Variants in NBPF26 observed in about 807,000 individuals in gnomAD.
The protein encoded by NBPF26 is NBPF family member NBPF26.
In NBPF26, 79 loss-of-function variants were observed where a neutral mutation model predicts 119.6. The ratio of observed to expected loss-of-function variants is 0.66; its 90% CI spans 0.55 to 0.80. The LOEUF (loss-of-function observed/expected upper bound fraction) is 0.80, where lower values mean the gene tolerates loss of function less well. Ranked by LOEUF, NBPF26 falls within the 30% of genes least tolerant of loss-of-function variation. NBPF26 has a pLI of 0.00. For missense variants in NBPF26, 800 were observed against 1,198.2 expected (o/e 0.67, Z 4.91); for synonymous variants, 299 against 457.7 (o/e 0.65, Z 4.43).
intron 17 of NBPF26, 57 bp from the exon 18 acceptor site, chr1:120,823,917 G>C: frequency 2.0e-6 from 1 of 501,908 alleles, no homozygotes; most frequent in South Asian, 1.8e-5. Context: ...ATCTAGCTGG[G>C]GCTGTGTGGT....
At chr1:120,805,286 A>T (rs1176292552) in intron 4 of NBPF26, 1 of 1,047,144 alleles carries the variant, frequency 9.5e-7, no homozygotes, top group South Asian at 1.5e-5. Flanking sequence ...TAATTCTGTT[A>T]TTGCAACTGC....
At chr1:120,743,920 AAGGAGAAGCAGAG>A in intron 1 of NBPF26, among the ~76,000 whole-genome samples, 1 of 103,730 alleles carries the variant, frequency 9.6e-6, no homozygotes, top group Non-Finnish European at 1.9e-5. Flanking sequence ...TTGGTGCACT[AAGGAGAAGCAGAG>A]AGGAGAAGCA....
At position 120,784,552 on chromosome 1, in the gene NBPF26, A is replaced by G. The variant is rs1651400619; in HGVS notation, c.156-422A>G. ...CTCACCTTATTTAGGTCTCAACTCA[A>G]GTATTGTCAGTGAAGGTCTTCTCTG... On this transcript the variant is annotated intron_variant, in intron 2 of 29. Transcript: ENST00000620612. 1.7e-5 allele frequency among the ~76,000 whole-genome samples: 2 copies of G among 117,222 alleles called. 1 individual carries two copies. Among genetic ancestry groups the G allele is most frequent in the East Asian group, 4.2e-4 (2 of 4,754 alleles). 76.9% of individuals were successfully genotyped at this position (117,222 alleles called of 152,430 possible). A position where few individuals can be genotyped will look rare whatever the true frequency, so the allele number is the denominator to read the frequency against.
chr1:120,785,327 C>T, intron 3 of NBPF26, 94 bp downstream of exon 3: 1 of 842,224 alleles, frequency 1.2e-6, no homozygotes, highest in Non-Finnish European at 1.8e-6. Context: ...CTTAAATGTC[C>T]CCCAGCTCTG....
intron 3 of NBPF26, among the ~76,000 whole-genome samples, chr1:120,790,283 G>A (rs1317533662): frequency 9.1e-6 from 1 of 109,912 alleles, no homozygotes; most frequent in Non-Finnish European, 1.7e-5. Context: ...CAAAGTGCTG[G>A]GATTACAGGT....
At chr1:120,767,622 C>T (rs1651208308) in intron 2 of NBPF26, among the ~76,000 whole-genome samples, 1 of 87,840 alleles carries the variant, frequency 1.1e-5, no homozygotes, top group Admixed American at 1.2e-4. Flanking sequence ...ACTGTCAAAT[C>T]TTAATAAAGC....
In NBPF26 at chr1:120,726,855, T is replaced by C; in HGVS notation, c.73+2605T>C. Among the ~76,000 whole-genome samples the C allele has an allele frequency of 1.8e-5, 2 of 113,616 alleles. 1 individual carries two copies. The highest frequency in any genetic ancestry group is 3.4e-5 in the Non-Finnish European group (2 of 59,656). 74.5% of individuals were successfully genotyped at this position (113,616 alleles called of 152,430 possible). The stretch of plus-strand genomic sequence containing the variant: ...TATTTACCCATAACTTCTTGGGATC[T>C]CTCTGCTCCATTCCCACCCTACTGC... On this transcript the variant is annotated intron_variant, in intron 1 of 29. Transcript: ENST00000620612.
intron 1 of NBPF26, among the ~76,000 whole-genome samples, chr1:120,737,782 A>G (rs1200990193): frequency 8.1e-6 from 1 of 122,888 alleles, no homozygotes; most frequent in East Asian, 2.0e-4. Context: ...TTCTCAGAAA[A>G]GGGCTTTATA....
chr1:120,724,034 A>G lies in NBPF26; in HGVS notation c.-144A>G. 14 of 1,245,196 alleles carry G rather than the reference A, an allele frequency of 1.1e-5. 5 individuals are homozygous for G. The highest frequency in any genetic ancestry group is 1.4e-5 in the Non-Finnish European group (14 of 989,302). The allele number at this position is 1,245,196 out of a possible 1,614,324, so 77.1% of individuals were successfully genotyped here. The stretch of plus-strand genomic sequence containing the variant: ...CGAGGCATTTGCACCTGGGCTTCGG[A>G]GCGTAGCGCCAGGGCCTGAGCCTTT... On this transcript the variant is annotated 5_prime_UTR_variant, in exon 1 of 30. Transcript: ENST00000620612.
At chr1:120,842,226 C>G (rs9441383), downstream of NBPF26, among the ~76,000 whole-genome samples, 238 of 113,990 alleles carry the variant, frequency 2.1e-3, 33 homozygotes, top group Non-Finnish European at 1.0e-3. Context: ...TGTTTATTTT[C>G]TAATCTCTTC....
At chr1:120,832,406 A>G (rs1208862409) in intron 22 of NBPF26, among the ~76,000 whole-genome samples, 7 of 102,426 alleles carry the variant, frequency 6.8e-5, no homozygotes, top group African/African-American at 4.3e-4. Flanking sequence ...TTCTCATGAC[A>G]TTGGACCTGG....
At position 120,840,418 on chromosome 1, in the gene NBPF26, C is replaced by T. The variant is rs1553273457; in HGVS notation, c.4172C>T (p.Ser1391Leu). The change falls in exon 30 of 30, where the codon TCG (serine) becomes TTG (leucine). Residue 1391 changes from serine to leucine, a missense_variant. Ser to Leu is a moderately radical substitution (Grantham distance 145). Around this residue, in one of 13 missense-constraint regions of NBPF26, gnomAD observed 155 missense variants for 95.9 expected, o/e 1.62. Coordinates refer to ENST00000620612, the Ensembl canonical transcript of NBPF26. ...CAGGACTCACTGGATATATGTTATT[C>T]GACTCCGTCAATGTACTTTGAACTA... 376 of 1,466,664 alleles carry T rather than the reference C, an allele frequency of 2.6e-4. 110 individuals are homozygous for T. The African/African-American group carries it at 5.1e-3, about 20-fold the overall frequency. The allele number at this position is 1,466,664 out of a possible 1,614,324, so 90.9% of individuals were successfully genotyped here.
rs1369054959 is a variant in NBPF26, at chr1:120,811,717, A to G, written c.1565-169A>G. Among the ~76,000 whole-genome samples, 15 of 113,396 alleles carry G rather than the reference A, an allele frequency of 1.3e-4. 4 individuals are homozygous for G. Among genetic ancestry groups the G allele is most frequent in the Non-Finnish European group, 1.7e-4 (10 of 57,928 alleles). 74.4% of individuals were successfully genotyped at this position (113,396 alleles called of 152,430 possible). A position where few individuals can be genotyped will look rare whatever the true frequency, so the allele number is the denominator to read the frequency against. On this transcript the variant is annotated intron_variant, in intron 9 of 29. Transcript: ENST00000620612. ...TTGGTTTCAAGGTGACTGCATAGCT[A>G]AGACAAGTTGACTTAAAGGAGATCA...
rs1553270907 is a variant in NBPF26 at position 120,811,010 on chromosome 1, G to A, written c.1564+452G>A. ...AATCCGAGCACTTTGGGAGGCCGAG[G>A]CGGGTGGATCATGAGGTCAGGAGAT... On this transcript the variant is annotated intron_variant, in intron 9 of 29. Coordinates refer to ENST00000620612, the Ensembl canonical transcript of NBPF26. Among the ~76,000 whole-genome samples, 11 of 104,746 alleles carry A rather than the reference G, an allele frequency of 1.1e-4. 2 individuals carry two copies. Among genetic ancestry groups the A allele is most frequent in the Non-Finnish European group, 1.6e-4 (9 of 54,960 alleles). 68.7% of individuals were successfully genotyped at this position (104,746 alleles called of 152,430 possible).
Position 120,818,200 on chromosome 1 carries a change from TA to T in NBPF26, c.2423+28del, listed in dbSNP as rs1399584223. The T allele has an allele frequency of 4.2e-6, 2 of 481,388 alleles. 1 individual carries two copies. Among genetic ancestry groups the T allele is most frequent in the African/African-American group, 1.0e-4 (2 of 19,878 alleles). The allele number at this position is 481,388 out of a possible 1,614,324, so 29.8% of individuals were successfully genotyped here. On this transcript the variant is annotated intron_variant, in intron 15 of 29. Transcript: ENST00000620612. Reference sequence around the variant, plus strand: ...GTAATGTTGTGGAATTGTTGGCTGTTAATTCAGTAGTGACATCTGGAGATTG... The same window carrying T: ...GTAATGTTGTGGAATTGTTGGCTGTTATTCAGTAGTGACATCTGGAGATTG...
rs1286365446 is a variant in NBPF26 at position 120,804,518 on chromosome 1, A to G, written c.752-1038A>G. Among the ~76,000 whole-genome samples, 3 of 85,632 alleles carry G rather than the reference A, an allele frequency of 3.5e-5. 1 individual carries two copies. The highest frequency in any genetic ancestry group is 1.8e-4 in the African/African-American group (2 of 11,104). 56.2% of individuals were successfully genotyped at this position (85,632 alleles called of 152,430 possible). ...TATGGGAAAACAAAATGGAAACAAC[A>G]AAATAGTATCAGGTTTACAAAACTT... On this transcript the variant is annotated intron_variant, in intron 4 of 29. Coordinates refer to ENST00000620612, the Ensembl canonical transcript of NBPF26.
chr1:120,813,372 A>C (rs1448159705), intron 10 of NBPF26, among the ~76,000 whole-genome samples: 1 of 127,684 alleles, frequency 7.8e-6, no homozygotes, highest in Non-Finnish European at 1.6e-5. Flanking sequence ...TATGTGTCAC[A>C]CTTTATGCTT....
rs1166112898 is a variant in NBPF26, at chr1:120,805,139, C to T, written c.752-417C>T. ...CTGTGGCATTGTCAACAAGGGTACA[C>T]GAATACTGAGAGTGAATGCTGAAGG... is the stretch of plus-strand genomic sequence containing the variant. On this transcript the variant is annotated intron_variant, in intron 4 of 29. Coordinates refer to ENST00000620612, the Ensembl canonical transcript of NBPF26. 2.8e-3 allele frequency among the ~76,000 whole-genome samples: 346 copies of T among 124,984 alleles called. 107 individuals carry two copies. Among genetic ancestry groups the T allele is most frequent in the African/African-American group, 0.012 (312 of 25,878 alleles). The allele number at this position is 124,984 out of a possible 152,430, so 82.0% of individuals were successfully genotyped here.
chr1:120,819,244 G>A (rs1652079745), intron 15 of NBPF26, among the ~76,000 whole-genome samples: 1 of 119,188 alleles, frequency 8.4e-6, no homozygotes, highest in Admixed American at 8.0e-5. Context: ...GGCCTTCTTT[G>A]TCTCTTTTGA....
Sources: allele counts gnomAD v4.1 joint callset (sites outside exome capture counted in the v4.1 genomes callset), GRCh38; gene constraint gnomAD v4.1.1; regional missense constraint gnomAD v4.1.1; transcripts MANE v1.5; gene names NCBI Gene and HGNC (gene_info 2026-07-23, HGNC 2026-07-21).